PROSER3: variants seen among roughly 807,000 people sequenced by gnomAD.
PROSER3 encodes proline and serine-rich protein 3.
In PROSER3, 33 loss-of-function variants were observed where a neutral mutation model predicts 50.2. The observed-to-expected ratio is 0.66, with a 90% confidence interval of 0.50 to 0.88. The LOEUF (loss-of-function observed/expected upper bound fraction) is 0.88. PROSER3 is among the 40% of genes least tolerant of loss of function. PROSER3 has a pLI of 0.00. For synonymous variants in PROSER3, 266 were observed against 259.3 expected, an observed-to-expected ratio of 1.03 and a Z score of -0.25; for missense variants, 623 against 612.7, an observed-to-expected ratio of 1.02 and a Z score of -0.18.
At chr19:35,767,029 A>T (rs1195061235) in intron 8 of PROSER3, 43 bp from the exon 9 acceptor site, 1 of 1,351,106 alleles carries the variant, frequency 7.4e-7, no homozygotes, top group Non-Finnish European at 9.7e-7. Context: ...AGGACCCTCC[A>T]CCCTCTCTCT....
chr19:35,764,796 A>G, intron 5 of PROSER3, 58 bp from the exon 6 acceptor site: 3 of 1,485,312 alleles, frequency 2.0e-6, no homozygotes, highest in Non-Finnish European at 2.8e-6. Context: ...CTCTGTTTAG[A>G]ACCCCCTTCC....
chr19:35,761,929 G>T, intron 3 of PROSER3, 90 bp from the exon 4 acceptor site: 1 of 1,387,602 alleles, frequency 7.2e-7, no homozygotes, highest in Non-Finnish European at 9.6e-7. Flanking sequence ...GCTCTGCCAT[G>T]GTGCTTGGTA....
At chr19:35,764,857 C>T (rs754331864) in exon 6 of PROSER3, 52 of 1,613,200 alleles carry the variant, frequency 3.2e-5, no homozygotes, top group African/African-American at 4.0e-5. Context: ...CCTGCAGAAC[C>T]TCCACACATG....
chr19:35,764,760 G>C, intron 5 of PROSER3, 94 bp from the exon 6 acceptor site: 1 of 1,133,252 alleles, frequency 8.8e-7, no homozygotes, highest in Non-Finnish European at 1.3e-6. Context: ...AGGTTACCAA[G>C]GGCAGTACAA....
chr19:35,758,198 C>T (rs776847103), exon 1 of PROSER3: 4 of 1,558,842 alleles, frequency 2.6e-6, no homozygotes, highest in African/African-American at 1.4e-5. Context: ...CGGCCGGAAG[C>T]GCGGAGGGAG....
At chr19:35,764,586 A>G (rs1423968754) in intron 5 of PROSER3, among the ~76,000 whole-genome samples, 2 of 151,178 alleles carry the variant, frequency 1.3e-5, no homozygotes, top group South Asian at 2.1e-4. Context: ...AACCCAGGAG[A>G]TGGAGGTTGC....
chr19:35,759,838 A>C, exon 3 of PROSER3: 1 of 1,575,948 alleles, frequency 6.3e-7, no homozygotes, highest in Non-Finnish European at 8.6e-7. Context: ...CAAGCTCCCA[A>C]GGCTCTAGCC....
At chr19:35,768,531 G>A (rs554108996) in exon 11 of PROSER3, 5 of 1,593,758 alleles carry the variant, frequency 3.1e-6, no homozygotes, top group Admixed American at 1.7e-5. Flanking sequence ...TTCCCTGGAG[G>A]CCAGAAGACT....
chr19:35,768,413 T>G (rs758908589), exon 11 of PROSER3: 1 of 1,596,484 alleles, frequency 6.3e-7, no homozygotes, highest in South Asian at 1.1e-5. Context: ...GGGAAGCGGA[T>G]GCCCGATTAT....
chr19:35,758,191 C>A (rs774181765), exon 1 of PROSER3: 5 of 1,557,326 alleles, frequency 3.2e-6, no homozygotes, highest in Admixed American at 3.9e-5. Context: ...AGCAGAGCGG[C>A]CGGAAGCGCG....
intron 3 of PROSER3, among the ~76,000 whole-genome samples, chr19:35,760,638 A>G (rs763584642): frequency 2.0e-4 from 30 of 152,180 alleles, no homozygotes; most frequent in Middle Eastern, 3.4e-3. Context: ...GGTGCCCACC[A>G]CCACACCTGG....
chr19:35,768,052 G>A (rs745330837), exon 9 of PROSER3: 2 of 1,582,572 alleles, frequency 1.3e-6, no homozygotes, highest in Non-Finnish European at 1.7e-6. Context: ...CCCTGCTGCT[G>A]CAGGCTGCAG....
At chr19:35,759,874 T>C in exon 3 of PROSER3, 1 of 1,588,366 alleles carries the variant, frequency 6.3e-7, no homozygotes, top group South Asian at 1.2e-5. Flanking sequence ...CCTGAGCTGT[T>C]TGAGGAGTCC....
At chr19:35,768,625 T>C in exon 11 of PROSER3, 1 of 1,489,478 alleles carries the variant, frequency 6.7e-7, no homozygotes, top group Non-Finnish European at 8.9e-7. Flanking sequence ...AGAAAGGGGT[T>C]GTTTGGAAAG....
exon 2 of PROSER3, chr19:35,759,435 T>C: frequency 6.2e-7 from 1 of 1,613,450 alleles, no homozygotes; most frequent in Non-Finnish European, 8.5e-7. Flanking sequence ...TCGAAGCCAC[T>C]ACTGGCCATC....
intron 3 of PROSER3, 31 bp downstream of exon 3, chr19:35,760,022 G>A: frequency 6.6e-7 from 1 of 1,514,256 alleles, no homozygotes; most frequent in Non-Finnish European, 8.9e-7. Flanking sequence ...GGGAAAAAGA[G>A]GCTTTGGGTT....
chr19:35,762,144 C>T (rs2146576596), exon 4 of PROSER3: 1 of 1,596,170 alleles, frequency 6.3e-7, no homozygotes, highest in Non-Finnish European at 8.6e-7. Flanking sequence ...CAAAGTGCAG[C>T]AGGTACCTCT....
At chr19:35,767,472 T>C (rs761947314) in intron 8 of PROSER3, 46 of 215,668 alleles carry the variant, frequency 2.1e-4, no homozygotes, top group Non-Finnish European at 3.7e-4. Flanking sequence ...GCCTCCACCC[T>C]CGCATCCCCA....
downstream of PROSER3, chr19:35,769,774 AGGCTGTAGTACAAT>A (rs1346587368): frequency 6.6e-6 from 1 of 152,168 alleles, no homozygotes; most frequent in East Asian, 1.9e-4. Flanking sequence ...CTTGTTGCCC[AGGCTGTAGTACAAT>A]GGCATGATCT....
Sources: gnomAD v4.1 joint callset for allele counts (sites outside exome capture counted in the v4.1 genomes callset) on GRCh38, gnomAD v4.1.1 for gene constraint, MANE v1.5 for transcripts, NCBI Gene and HGNC (gene_info 2026-07-23, HGNC 2026-07-21) for gene names.